SEMA3C: variants seen among roughly 807,000 people sequenced by gnomAD.
SEMA3C encodes semaphorin 3C.
SEMA3C carries 47 observed loss-of-function variants against 89.4 expected under a neutral mutation model. The ratio of observed to expected loss-of-function variants is 0.53; its 90% CI spans 0.42 to 0.67. The LOEUF is 0.67. Ranked by LOEUF, SEMA3C falls within the 30% of genes least tolerant of loss-of-function variation. The pLI, the probability that SEMA3C is intolerant of heterozygous loss-of-function variation, is 0.00. For missense variants in SEMA3C, 839 were observed against 929.1 expected (o/e 0.90, Z 1.26); for synonymous variants, 310 against 320.2 (o/e 0.97, Z 0.34).
intron 4 of SEMA3C, among the ~76,000 whole-genome samples, chr7:80,825,718 G>T (rs897004140): frequency 7.2e-5 from 11 of 152,120 alleles, no homozygotes; most frequent in African/African-American, 2.2e-4. Flanking sequence ...ATGCAATTCA[G>T]TATAGCCACG....
intron 11 of SEMA3C, among the ~76,000 whole-genome samples, chr7:80,797,127 T>C (rs1789084077): frequency 1.3e-5 from 2 of 152,156 alleles, no homozygotes; most frequent in South Asian, 2.1e-4. Flanking sequence ...TCATTGTTCA[T>C]ATTTATCCAT....
At chr7:80,841,921 CAA>C (rs561408462) in intron 2 of SEMA3C, among the ~76,000 whole-genome samples, 320 of 152,140 alleles carry the variant, frequency 2.1e-3, no homozygotes, top group African/African-American at 6.1e-3. Context: ...GGCTTCAAAA[CAA>C]AAAAACAAGT....
chr7:80,778,202 C>A (rs1397852283), intron 12 of SEMA3C, among the ~76,000 whole-genome samples: 3 of 152,124 alleles, frequency 2.0e-5, no homozygotes, highest in African/African-American at 7.2e-5. Flanking sequence ...TGTTTTAGGA[C>A]TTTGTGAATT....
At chr7:80,905,518 G>T (rs570635103) in intron 2 of SEMA3C, among the ~76,000 whole-genome samples, 13 of 152,206 alleles carry the variant, frequency 8.5e-5, no homozygotes, top group African/African-American at 3.1e-4. Context: ...TGGAGGTAAA[G>T]AAAACAAAAT....
At chr7:80,746,998 T>C (rs900813965) in intron 17 of SEMA3C, among the ~76,000 whole-genome samples, 7 of 133,070 alleles carry the variant, frequency 5.3e-5, no homozygotes, top group Admixed American at 2.5e-4. Flanking sequence ...AAATGATTAA[T>C]GTTTACACAG....
chr7:80,822,426 A>C (rs562417092), intron 4 of SEMA3C, among the ~76,000 whole-genome samples: 69 of 151,774 alleles, frequency 4.5e-4, no homozygotes, highest in African/African-American at 1.3e-3. Flanking sequence ...TAAAAAAAAA[A>C]CAGCATGAAC....
At chr7:80,759,254 A>G (rs1398565225) in intron 14 of SEMA3C, among the ~76,000 whole-genome samples, 1 of 152,142 alleles carries the variant, frequency 6.6e-6, no homozygotes, top group Non-Finnish European at 1.5e-5. Context: ...TTACTTTCCA[A>G]AGGACTGATA....
chr7:80,876,021 A>G (rs1325935538), intron 2 of SEMA3C, among the ~76,000 whole-genome samples: 2 of 152,158 alleles, frequency 1.3e-5, no homozygotes, highest in East Asian at 3.9e-4. Context: ...ATAACTACTT[A>G]GCACGGAGAA....
At chr7:80,777,604 T>G (rs1292458971) in intron 12 of SEMA3C, among the ~76,000 whole-genome samples, 1 of 152,154 alleles carries the variant, frequency 6.6e-6, no homozygotes, top group Non-Finnish European at 1.5e-5. Flanking sequence ...GTATTTGGTT[T>G]TATACAAGGT....
chr7:80,901,779 AC>A (rs1223723853), intron 2 of SEMA3C, among the ~76,000 whole-genome samples: 1 of 152,218 alleles, frequency 6.6e-6, no homozygotes, highest in Non-Finnish European at 1.5e-5. Context: ...TGTGTCTCTG[AC>A]TTTGCCCATA....
At chr7:80,843,117 A>C (rs541223215) in intron 2 of SEMA3C, among the ~76,000 whole-genome samples, 1 of 152,156 alleles carries the variant, frequency 6.6e-6, no homozygotes, top group Non-Finnish European at 1.5e-5. Flanking sequence ...GATAGAAGTA[A>C]TAAGTTCTAA....
chr7:80,871,447 A>G (rs534511525), intron 2 of SEMA3C, among the ~76,000 whole-genome samples: 5 of 152,196 alleles, frequency 3.3e-5, no homozygotes, highest in Non-Finnish European at 7.3e-5. Context: ...ACTCCCATTC[A>G]AACATTATGC....
intron 8 of SEMA3C, 80 bp downstream of exon 8, chr7:80,804,026 G>T: frequency 7.9e-7 from 1 of 1,260,408 alleles, no homozygotes; most frequent in Non-Finnish European, 1.1e-6. Context: ...ATTTGTAATG[G>T]TTGATAATAA....
At chr7:80,755,216 T>C (rs1429729114) in intron 15 of SEMA3C, among the ~76,000 whole-genome samples, 3 of 151,694 alleles carry the variant, frequency 2.0e-5, no homozygotes, top group Non-Finnish European at 4.4e-5. Context: ...CTTTGTTTAT[T>C]AAAAAAGTAT....
At chr7:80,773,752 G>A (rs987958363) in intron 12 of SEMA3C, among the ~76,000 whole-genome samples, 3 of 152,132 alleles carry the variant, frequency 2.0e-5, no homozygotes, top group African/African-American at 7.2e-5. Flanking sequence ...CAAGGGAGGT[G>A]TCCAGAAAGT....
At chr7:80,783,937 T>G (rs1017349232) in intron 12 of SEMA3C, among the ~76,000 whole-genome samples, 1 of 152,146 alleles carries the variant, frequency 6.6e-6, no homozygotes, top group Admixed American at 6.5e-5. Context: ...GTATTGACCC[T>G]ACACTAAAAA....
chr7:80,863,447 A>G (rs1306029125), intron 2 of SEMA3C, among the ~76,000 whole-genome samples: 1 of 151,956 alleles, frequency 6.6e-6, no homozygotes, highest in Non-Finnish European at 1.5e-5. Context: ...AAAACAGTGT[A>G]GAGATTCCTT....
At chr7:80,748,756 G>A (rs1006750739) in intron 17 of SEMA3C, 142 bp downstream of exon 17, 8 of 756,804 alleles carry the variant, frequency 1.1e-5, no homozygotes, top group Admixed American at 2.7e-5. Context: ...GGATTTTAAG[G>A]AAAGTGGCAC....
At chr7:80,797,542 T>C (rs1789093411) in intron 11 of SEMA3C, among the ~76,000 whole-genome samples, 1 of 152,220 alleles carries the variant, frequency 6.6e-6, no homozygotes, top group Non-Finnish European at 1.5e-5. Context: ...AATATTTTAT[T>C]TTAAAAATTA....
Sources: allele counts gnomAD v4.1 joint callset (sites outside exome capture counted in the v4.1 genomes callset), GRCh38; gene constraint gnomAD v4.1.1; transcripts MANE v1.5; gene names NCBI Gene and HGNC (gene_info 2026-07-23, HGNC 2026-07-21).